SMAD4: variants seen among roughly 807,000 people sequenced by gnomAD.
SMAD4 encodes the protein SMAD family member 4, also known as MAD homolog 4.
SMAD4 carries 7 observed loss-of-function variants against 63.2 expected under a neutral mutation model. The ratio of observed to expected loss-of-function variants is 0.11; its 90% CI spans 0.06 to 0.21. The LOEUF (loss-of-function observed/expected upper bound fraction) is 0.21, where lower values mean the gene tolerates loss of function less well. Ranked by LOEUF, SMAD4 falls within the 10% of genes least tolerant of loss-of-function variation. SMAD4 has a pLI of 1.00. For missense variants in SMAD4, 312 were observed against 693.8 expected (o/e 0.45, Z 6.18); for synonymous variants, 215 against 235.4 (o/e 0.91, Z 0.79).
rs34008927 is a variant in SMAD4 at position 51,033,186 on chromosome 18, A to ATTTTTT, written c.-128+2579_-128+2584dup. Among the ~76,000 whole-genome samples, 3 of 117,318 alleles carry ATTTTTT rather than the reference A, an allele frequency of 2.6e-5. No homozygotes were observed. The East Asian group carries it at 7.3e-4, about 29-fold the overall frequency. 77.0% of individuals were successfully genotyped at this position (117,318 alleles called of 152,430 possible). A position where few individuals can be genotyped will look rare whatever the true frequency, so the allele number is the denominator to read the frequency against. On this transcript the variant is annotated intron_variant, in intron 1 of 11. Transcript: ENST00000342988. ...AGGACTTACACCAGCATAACACAGC[A>ATTTTTT]TTTTTTTTTTTTTTTTTTTTTGAGA...
chr18:51,070,677 G>C (rs1219348913), intron 10 of SMAD4, among the ~76,000 whole-genome samples: 1 of 152,114 alleles, frequency 6.6e-6, no homozygotes, highest in Non-Finnish European at 1.5e-5. Context: ...AATGTGCGCT[G>C]TTCTGAGTAG....
chr18:51,070,799 T>G (rs886930588), intron 10 of SMAD4, among the ~76,000 whole-genome samples: 1 of 152,162 alleles, frequency 6.6e-6, no homozygotes, highest in Non-Finnish European at 1.5e-5. Context: ...AGTTTTCAGA[T>G]TGACTGTCAT....
chr18:51,053,727 C>G (rs1030841529), intron 4 of SMAD4: 7 of 151,622 alleles, frequency 4.6e-5, no homozygotes, highest in African/African-American at 1.7e-4. Flanking sequence ...GATTTTTTTT[C>G]AAAGGTTGAC....
At chr18:51,031,706 C>T (rs890247590) in intron 1 of SMAD4, among the ~76,000 whole-genome samples, 1 of 151,424 alleles carries the variant, frequency 6.6e-6, no homozygotes, top group Non-Finnish European at 1.5e-5. Flanking sequence ...AGTAGGTTCA[C>T]TCCTTTTTGC....
chr18:51,043,834 A>G (rs1007260659), intron 1 of SMAD4, among the ~76,000 whole-genome samples: 1 of 152,224 alleles, frequency 6.6e-6, no homozygotes, highest in Non-Finnish European at 1.5e-5. Flanking sequence ...TTGGAATATA[A>G]TATCAGAAAA....
chr18:51,031,754 G>A (rs1053013441), intron 1 of SMAD4, among the ~76,000 whole-genome samples: 10 of 150,872 alleles, frequency 6.6e-5, no homozygotes, highest in African/African-American at 2.2e-4. Flanking sequence ...AAAAAAATGC[G>A]TAATTTCGTA....
At chr18:51,046,887 C>A (rs759810903) in intron 1 of SMAD4, 33 bp from the exon 2 acceptor site, 3 of 641,074 alleles carry the variant, frequency 4.7e-6, no homozygotes, top group African/African-American at 3.7e-5. Context: ...AAAATGTGTT[C>A]TGATGTGTGT....
rs1555686626 is a variant in SMAD4 at position 51,067,191 on chromosome 18, A to T, written c.1308+4A>T. The T allele has an allele frequency of 6.6e-7, 1 of 1,520,774 alleles. No individual in the cohort carries two copies. The highest frequency in any genetic ancestry group is 1.7e-5 in the Admixed American group (1 of 59,518). The allele number at this position is 1,520,774 out of a possible 1,614,324, so 94.2% of individuals were successfully genotyped here. A position where few individuals can be genotyped will look rare whatever the true frequency, so the allele number is the denominator to read the frequency against. ...CTACCCAAGTGCATATATAAAGGTT[A>T]GTTACAATTTTATTTGAATATTTTA... On this transcript the variant is annotated splice_donor_region_variant and intron_variant, in intron 10 of 11. Transcript: ENST00000342988.
rs1205047907 is a variant in SMAD4 at position 51,046,994 on chromosome 18, A to C, written c.-53A>C. 2 of 1,569,876 alleles carry C rather than the reference A, an allele frequency of 1.3e-6. No individual in the cohort carries two copies. Among genetic ancestry groups the C allele is most frequent in the South Asian group, 2.2e-5 (2 of 89,980 alleles). ...TTTTTCACTGTTTCCAAAGGATCAA[A>C]ATTGCTTCAGAAATTGGAGACATAT... On this transcript the variant is annotated 5_prime_UTR_variant, in exon 2 of 12. Transcript: ENST00000342988.
chr18:51,083,090 T>G lies in SMAD4; in HGVS notation c.*4623T>G. On this transcript the variant is annotated 3_prime_UTR_variant, in exon 12 of 12. Coordinates refer to ENST00000342988, the MANE Select transcript of SMAD4 (RefSeq NM_005359.6). ...CATATTCATATTTTCCCCCTTAGAATAATATTTTGAAAGGTTTCATTGCTT... is the reference window on the plus strand; with the variant it reads ...CATATTCATATTTTCCCCCTTAGAAGAATATTTTGAAAGGTTTCATTGCTT... 4.4e-6 allele frequency: 1 copy of G among 225,166 alleles called. No homozygotes were observed. Among genetic ancestry groups the G allele is most frequent in the Non-Finnish European group, 8.9e-6 (1 of 112,960 alleles). The allele number at this position is 225,166 out of a possible 1,614,324, so 13.9% of individuals were successfully genotyped here.
rs916870979 is a variant in SMAD4 at position 51,084,655 on chromosome 18, A to G, written c.*6188A>G. Reference sequence around the variant, plus strand: ...ATTAAGACTAAACATGGAGTTGGCAAACTTTCTTCAAGTATTGAGTTCTGT... The same window carrying G: ...ATTAAGACTAAACATGGAGTTGGCAGACTTTCTTCAAGTATTGAGTTCTGT... On this transcript the variant is annotated 3_prime_UTR_variant, in exon 12 of 12. Coordinates refer to ENST00000342988, the MANE Select transcript of SMAD4 (RefSeq NM_005359.6). 5.6e-5 allele frequency: 13 copies of G among 230,924 alleles called. No homozygotes were observed. The highest frequency in any genetic ancestry group is 1.5e-4 in the African/African-American group (7 of 45,192). 14.3% of individuals were successfully genotyped at this position (230,924 alleles called of 1,614,324 possible).
At chr18:51,066,071 G>T (rs934302396) in intron 9 of SMAD4, among the ~76,000 whole-genome samples, 18 of 152,106 alleles carry the variant, frequency 1.2e-4, no homozygotes, top group Admixed American at 9.2e-4. Context: ...ATATAATGAG[G>T]CTGGGTGCGG....
At chr18:51,044,754 G>A (rs1283568897) in intron 1 of SMAD4, among the ~76,000 whole-genome samples, 3 of 152,150 alleles carry the variant, frequency 2.0e-5, no homozygotes, top group Non-Finnish European at 4.4e-5. Context: ...TATCAGACAC[G>A]TTATGCAGAA....
At position 51,061,227 on chromosome 18, in the gene SMAD4, G is replaced by C. The variant is rs149592216; in HGVS notation, c.955+1311G>C. ...TCTTTTGTGTTACAATCTATACTCT[G>C]TTAGTTATTTTAAAGTGTACAATTA... On this transcript the variant is annotated intron_variant, in intron 8 of 11. Coordinates refer to ENST00000342988, the MANE Select transcript of SMAD4 (RefSeq NM_005359.6). Among the ~76,000 whole-genome samples, 1,145 of 152,192 alleles carry C rather than the reference G, an allele frequency of 7.5e-3. 11 individuals carry two copies. The highest frequency in any genetic ancestry group is 0.026 in the African/African-American group (1,080 of 41,530).
intron 11 of SMAD4, 77 bp from the exon 12 acceptor site, chr18:51,078,179 T>C: frequency 8.2e-7 from 1 of 1,212,482 alleles, no homozygotes; most frequent in East Asian, 2.3e-5. Flanking sequence ...AGCTGGTCAC[T>C]TGATTAATTT....
chr18:51,073,098 C>T (rs140896259), intron 10 of SMAD4, among the ~76,000 whole-genome samples: 102 of 152,040 alleles, frequency 6.7e-4, no homozygotes, highest in African/African-American at 2.4e-3. Context: ...CCCAATGAAT[C>T]ATTTTTACTG....
At chr18:51,037,917 C>T (rs1909252344) in intron 1 of SMAD4, among the ~76,000 whole-genome samples, 1 of 152,098 alleles carries the variant, frequency 6.6e-6, no homozygotes, top group African/African-American at 2.4e-5. Context: ...AAACTCCTGT[C>T]ACTATGACTT....
rs375910294 is a variant in SMAD4 at position 51,048,671 on chromosome 18, C to T, written c.250-15C>T. The stretch of plus-strand genomic sequence containing the variant: ...ATAATGTGACACATGAATAAATGGT[C>T]GTTTATTTTTCTAGGTGGCTGGTCG... On this transcript the variant is annotated splice_polypyrimidine_tract_variant and intron_variant, in intron 2 of 11. Coordinates refer to ENST00000342988, the MANE Select transcript of SMAD4 (RefSeq NM_005359.6). The T allele has an allele frequency of 1.8e-5, 29 of 1,609,192 alleles. No individual in the cohort carries two copies. The highest frequency in any genetic ancestry group is 3.3e-4 in the Middle Eastern group (2 of 6,058).
intron 4 of SMAD4, chr18:51,051,294 C>G (rs1373228110): frequency 2.2e-6 from 1 of 451,012 alleles, no homozygotes; most frequent in East Asian, 7.0e-5. Flanking sequence ...TGTATTCAGC[C>G]TTGTAGATCC....
Sources: allele counts gnomAD v4.1 joint callset (sites outside exome capture counted in the v4.1 genomes callset), GRCh38; gene constraint gnomAD v4.1.1; transcripts MANE v1.5; gene names NCBI Gene and HGNC (gene_info 2026-07-23, HGNC 2026-07-21).